The following OSCP1 variants were observed in gnomAD, a reference collection of about 807,000 sequenced individuals.
OSCP1 encodes the protein protein OSCP1.
A neutral mutation model predicts 45.1 loss-of-function variants in OSCP1; 35 were observed. That is an observed-to-expected ratio of 0.78 (90% CI 0.59 to 1.03). OSCP1 has a LOEUF of 1.03. Among genes scored for constraint, OSCP1 ranks in the 50% least tolerant of loss-of-function variants. The probability of loss-of-function intolerance (pLI) is 0.00; values close to 1 mark genes in which losing one functional copy is unlikely to be tolerated. For missense variants in OSCP1, 400 were observed against 470.7 expected (o/e 0.85, Z 1.39); for synonymous variants, 179 against 180.1 (o/e 0.99, Z 0.05).
chr1:36,439,056 A>ACACCTGTGTGGT, intron 1 of OSCP1, 146 bp from the exon 2 acceptor site: 2 of 750,576 alleles, frequency 2.7e-6, no homozygotes, highest in Non-Finnish European at 4.0e-6. Context: ...CCCTGAGGGG[A>ACACCTGTGTGGT]CCACACAGGT....
chr1:36,442,191 A>T (rs993374431), intron 1 of OSCP1, among the ~76,000 whole-genome samples: 3 of 147,924 alleles, frequency 2.0e-5, no homozygotes, highest in Non-Finnish European at 4.4e-5. Context: ...GCTCCATTGC[A>T]CTCCAGCCTG....
intron 4 of OSCP1, among the ~76,000 whole-genome samples, chr1:36,426,703 A>AT (rs994685763): frequency 2.0e-5 from 3 of 151,712 alleles, no homozygotes; most frequent in African/African-American, 4.8e-5. Flanking sequence ...CGCCTGCTGT[A>AT]TTTTTTTATT....
In OSCP1 at chr1:36,420,452, T is replaced by C. The variant is rs1647549393; in HGVS notation, c.959+24A>G. On this transcript the variant is annotated intron_variant, in intron 8 of 9. Transcript: ENST00000235532. ...CATGCTTGGGATTTTTATATGTCTTTAACGAAACAGGTTTAAAACATACTC... is the reference window on the plus strand; with the variant it reads ...CATGCTTGGGATTTTTATATGTCTTCAACGAAACAGGTTTAAAACATACTC... 3.1e-6 allele frequency: 5 copies of C among 1,604,572 alleles called. No homozygotes were observed. In the Admixed American group the frequency reaches 6.9e-5, roughly 22 times the overall value.
chr1:36,437,557 C>T (rs981442311), intron 2 of OSCP1, among the ~76,000 whole-genome samples: 3 of 152,086 alleles, frequency 2.0e-5, no homozygotes, highest in Non-Finnish European at 4.4e-5. Context: ...CCTACTCTGT[C>T]GCCCAGGCTG....
At chr1:36,445,645 A>C (rs1490067638) in intron 1 of OSCP1, among the ~76,000 whole-genome samples, 1 of 152,204 alleles carries the variant, frequency 6.6e-6, no homozygotes, top group Non-Finnish European at 1.5e-5. Context: ...AAGCAGCACC[A>C]AAAGTTTGGC....
At chr1:36,421,257 G>A (rs1647600205) in intron 7 of OSCP1, among the ~76,000 whole-genome samples, 1 of 152,062 alleles carries the variant, frequency 6.6e-6, no homozygotes, top group Non-Finnish European at 1.5e-5. Flanking sequence ...CTGTCCAGGC[G>A]AGTCTCTGCC....
chr1:36,427,033 C>G (rs112227201), intron 4 of OSCP1, among the ~76,000 whole-genome samples: 5 of 147,716 alleles, frequency 3.4e-5, no homozygotes, highest in Non-Finnish European at 7.4e-5. Context: ...TGGAGTCTTG[C>G]TCTGTCGCCC....
rs748208049 is a variant in OSCP1 at position 36,422,017 on chromosome 1, G to T, written c.819+133C>A. 5.2e-4 allele frequency: 427 copies of T among 818,852 alleles called. 2 individuals carry two copies. The highest frequency in any genetic ancestry group is 8.1e-4 in the Non-Finnish European group (391 of 480,336). The allele number at this position is 818,852 out of a possible 1,614,324, so 50.7% of individuals were successfully genotyped here. A position where few individuals can be genotyped will look rare whatever the true frequency, so the allele number is the denominator to read the frequency against. On this transcript the variant is annotated intron_variant, in intron 7 of 9. Coordinates refer to ENST00000235532, the MANE Select transcript of OSCP1 (RefSeq NM_145047.5). ...TTAAAACCTGTGTACTCGTAAGGTG[G>T]AATGGAGAAGATTGCACACAACAGG...
rs71053933 is a variant in OSCP1, at chr1:36,434,749, CAA to C, written c.268-2162_268-2161del. 4.0e-4 allele frequency among the ~76,000 whole-genome samples: 28 copies of C among 69,862 alleles called. No individual in the cohort carries two copies. In the East Asian group the frequency reaches 7.5e-3, roughly 19 times the overall value. 45.8% of individuals were successfully genotyped at this position (69,862 alleles called of 152,430 possible). On this transcript the variant is annotated intron_variant, in intron 2 of 9. Transcript: ENST00000235532. ...TGGGTGACAGAGTGAGACTTTGTCT[CAA>C]AAAAAAAAAAAAAAAAAAAAGAAAT...
At chr1:36,420,393 C>A in intron 8 of OSCP1, 83 bp downstream of exon 8, 1 of 1,438,496 alleles carries the variant, frequency 7.0e-7, no homozygotes. Context: ...TTTATAAGTG[C>A]CACTGGTTTG....
intron 2 of OSCP1, among the ~76,000 whole-genome samples, chr1:36,433,362 G>A (rs1175490247): frequency 6.6e-6 from 1 of 152,220 alleles, no homozygotes; most frequent in Non-Finnish European, 1.5e-5. Context: ...GCAGCAATGA[G>A]TATGTTATTT....
intron 1 of OSCP1, among the ~76,000 whole-genome samples, chr1:36,442,148 A>G (rs1218353230): frequency 6.6e-6 from 1 of 150,924 alleles, no homozygotes; most frequent in African/African-American, 2.4e-5. Flanking sequence ...AATTGCTTGA[A>G]CCTGGGAGCG....
At chr1:36,442,820 C>T (rs1443155868) in intron 1 of OSCP1, among the ~76,000 whole-genome samples, 1 of 152,002 alleles carries the variant, frequency 6.6e-6, no homozygotes, top group African/African-American at 2.4e-5. Context: ...CCTGCCAGAC[C>T]ACTTATCGTT....
chr1:36,432,713 G>A, intron 2 of OSCP1, 124 bp from the exon 3 acceptor site: 8 of 1,092,094 alleles, frequency 7.3e-6, no homozygotes, highest in Non-Finnish European at 1.1e-5. Flanking sequence ...ACAGCTCGGG[G>A]GACCATATCA....
chr1:36,424,618 G>C (rs1435491832), intron 4 of OSCP1, among the ~76,000 whole-genome samples: 1 of 152,180 alleles, frequency 6.6e-6, no homozygotes, highest in Non-Finnish European at 1.5e-5. Context: ...AAGAAGGATG[G>C]GGCTGGGGCA....
rs561549924 is a variant in OSCP1, at chr1:36,443,560, C to T, written c.113-4650G>A. On this transcript the variant is annotated intron_variant, in intron 1 of 9. Coordinates refer to ENST00000235532, the MANE Select transcript of OSCP1 (RefSeq NM_145047.5). The stretch of plus-strand genomic sequence containing the variant: ...CACAGTCCTGGCAGCCATGCAGTTA[C>T]ATGCTTCAATTTTTCTCGGTTGCTC... 2.0e-5 allele frequency among the ~76,000 whole-genome samples: 3 copies of T among 152,316 alleles called. No individual in the cohort carries two copies. In the South Asian group the frequency reaches 6.2e-4, roughly 32 times the overall value.
chr1:36,445,306 C>T (rs1398533398), intron 1 of OSCP1, among the ~76,000 whole-genome samples: 8 of 150,236 alleles, frequency 5.3e-5, no homozygotes, highest in Admixed American at 2.0e-4. Context: ...GTGGAGACTA[C>T]GCCACTGGGC....
At position 36,450,364 on chromosome 1, in the gene OSCP1, C is replaced by A. The variant is rs1570562486; in HGVS notation, c.6G>T (p.Ser2=). The A allele has an allele frequency of 6.2e-7, 1 of 1,613,590 alleles. No individual in the cohort carries two copies. Among genetic ancestry groups the A allele is most frequent in the Non-Finnish European group, 8.5e-7 (1 of 1,179,658 alleles). M[S]VRTLPLLFLN... ...AGAAGAGCAGCGGTAGCGTCCGCAC[C>A]GACATGGTGCTGGAAACGAGCTGGA... The change falls in exon 1 of 10, where the codon TCG becomes TCT. Residue 2 remains serine (S), a synonymous_variant. Coordinates refer to ENST00000235532, the MANE Select transcript of OSCP1 (RefSeq NM_145047.5).
intron 7 of OSCP1, 41 bp from the exon 8 acceptor site, chr1:36,420,656 A>T (rs55641251): frequency 0.015 from 24,788 of 1,606,504 alleles, 234 homozygotes; most frequent in Non-Finnish European, 0.018. Flanking sequence ...CATGAAGGCA[A>T]TCACATTTCC....
Sources: allele counts gnomAD v4.1 joint callset (sites outside exome capture counted in the v4.1 genomes callset), GRCh38; gene constraint gnomAD v4.1.1; transcripts MANE v1.5; gene names NCBI Gene and HGNC (gene_info 2026-07-23, HGNC 2026-07-21).